FFAR4: variants seen among roughly 807,000 people sequenced by gnomAD.
FFAR4 encodes free fatty acid receptor 4.
Under a neutral mutation model 27.0 loss-of-function variants are expected in FFAR4, and 19 were observed. That is an observed-to-expected ratio of 0.70 (90% CI 0.49 to 1.03). The LOEUF (loss-of-function observed/expected upper bound fraction) is 1.03, where lower values mean the gene tolerates loss of function less well. FFAR4 is among the 50% of genes least tolerant of loss of function. FFAR4 has a pLI of 0.00. For synonymous variants in FFAR4, 254 were observed against 215.6 expected (o/e 1.18, Z -1.56); for missense variants, 476 against 479.0 (o/e 0.99, Z 0.06).
chr10:93,582,595 G>C (rs1353998073), intron 2 of FFAR4, among the ~76,000 whole-genome samples: 3 of 151,190 alleles, frequency 2.0e-5, no homozygotes, highest in Non-Finnish European at 2.9e-5. Context: ...TGGTCCATGA[G>C]TGAGCCCACT....
At chr10:93,568,203 G>A (rs888376557) in intron 1 of FFAR4, among the ~76,000 whole-genome samples, 2 of 152,280 alleles carry the variant, frequency 1.3e-5, no homozygotes, top group Non-Finnish European at 2.9e-5. Context: ...GGATCCACAC[G>A]GAAGAGGGAA....
At chr10:93,583,345 G>A (rs2058210309) in intron 2 of FFAR4, among the ~76,000 whole-genome samples, 1 of 151,684 alleles carries the variant, frequency 6.6e-6, no homozygotes, top group South Asian at 2.1e-4. Flanking sequence ...GAACCCAGGA[G>A]GTGGAGCTTG....
intron 1 of FFAR4, among the ~76,000 whole-genome samples, chr10:93,567,849 C>T (rs921686146): frequency 1.3e-5 from 2 of 152,076 alleles, no homozygotes; most frequent in Non-Finnish European, 2.9e-5. Flanking sequence ...GACCCGGGGA[C>T]CCCAGATGCA....
At chr10:93,578,044 G>A (rs1179720666) in intron 2 of FFAR4, among the ~76,000 whole-genome samples, 1 of 152,102 alleles carries the variant, frequency 6.6e-6, no homozygotes, top group African/African-American at 2.4e-5. Context: ...AACACAAGGT[G>A]GAATGATACT....
chr10:93,573,168 C>T (rs1395635886), intron 1 of FFAR4, among the ~76,000 whole-genome samples: 1 of 152,210 alleles, frequency 6.6e-6, no homozygotes, highest in Non-Finnish European at 1.5e-5. Flanking sequence ...CTCCCTCCCT[C>T]CTGGAGGAAA....
At chr10:93,579,538 A>AT (rs1445066511) in intron 2 of FFAR4, among the ~76,000 whole-genome samples, 1 of 152,156 alleles carries the variant, frequency 6.6e-6, no homozygotes, top group East Asian at 1.9e-4. Context: ...ATCCTGATTT[A>AT]TTTCTCTTCA....
intron 2 of FFAR4, among the ~76,000 whole-genome samples, chr10:93,580,987 C>T (rs556477740): frequency 6.6e-6 from 1 of 152,346 alleles, no homozygotes; most frequent in Non-Finnish European, 1.5e-5. Context: ...TTGACGTCAT[C>T]GCCCAGCAAC....
chr10:93,567,062 C>T lies in FFAR4; in HGVS notation c.342C>T (p.Leu114=), dbSNP rs1241160091. 2 of 1,611,506 alleles carry T rather than the reference C, an allele frequency of 1.2e-6. No homozygotes were observed. Among genetic ancestry groups the T allele is most frequent in the African/African-American group, 2.7e-5 (2 of 75,042 alleles). The change falls in exon 1 of 3, where the codon CTC becomes CTT. Residue 114 remains leucine, a synonymous_variant. Coordinates refer to ENST00000371481, the MANE Select transcript of FFAR4 (RefSeq NM_001195755.2). The stretch of plus-strand genomic sequence containing the variant: ...TGGGCCCCGTTGCCTGCCACCTGCT[C>T]TTCTACGTGATGACCCTGAGCGGCA... ...WLLGPVACHL[L]FYVMTLSGSV... is the part of the protein sequence containing the mutation.
Position 93,577,672 on chromosome 10 carries a change from A to G in FFAR4, c.696+1453A>G, listed in dbSNP as rs74150272. Among the ~76,000 whole-genome samples, 1,297 of 152,294 alleles carry G rather than the reference A, an allele frequency of 8.5e-3. 18 individuals carry two copies. The highest frequency in any genetic ancestry group is 0.03 in the African/African-American group (1,240 of 41,564). The stretch of plus-strand genomic sequence containing the variant: ...AAGAGGTGAGAGAAAAAGGAAGATA[A>G]ATGTAGAACTTATTTAACAAATATT... On this transcript the variant is annotated intron_variant, in intron 2 of 2. Transcript: ENST00000371481.
At position 93,587,374 on chromosome 10, in the gene FFAR4, T is replaced by G. The variant is rs1247236709; in HGVS notation, c.851T>G (p.Ile284Ser). Reference sequence around the variant, plus strand: ...ATGTGGAGCCCCATCATCATCACCATCCTCCTCATCCTGATCCAGAACTTC... The same window carrying G: ...ATGTGGAGCCCCATCATCATCACCAGCCTCCTCATCCTGATCCAGAACTTC... ...FIMWSPIIIT[I>S]LLILIQNFKQ... Residue 284 changes from isoleucine to serine, a missense_variant, in exon 3 of 3, where the codon ATC (isoleucine) becomes AGC (serine). By Grantham distance (142) the Ile-to-Ser change is moderately radical. Coordinates refer to ENST00000371481, the MANE Select transcript of FFAR4 (RefSeq NM_001195755.2). 1 of 1,613,896 alleles carries G rather than the reference T, an allele frequency of 6.2e-7. No individual in the cohort carries two copies. The highest frequency in any genetic ancestry group is 8.5e-7 in the Non-Finnish European group (1 of 1,179,964).
intron 2 of FFAR4, among the ~76,000 whole-genome samples, chr10:93,583,203 C>A (rs1211840821): frequency 2.0e-5 from 3 of 149,038 alleles, no homozygotes; most frequent in Non-Finnish European, 4.4e-5. Context: ...GAGTTCGAGA[C>A]CATCCTGGCT....
chr10:93,578,800 A>C (rs1407192373), intron 2 of FFAR4, among the ~76,000 whole-genome samples: 1 of 152,208 alleles, frequency 6.6e-6, no homozygotes, highest in Non-Finnish European at 1.5e-5. Flanking sequence ...GATAAACAAC[A>C]GCCCAGATTT....
Position 93,588,682 on chromosome 10 carries a change from T to C in FFAR4, c.*1073T>C, listed in dbSNP as rs1355833681. 1 of 152,220 alleles carries C rather than the reference T, an allele frequency of 6.6e-6. No individual in the cohort carries two copies. The highest frequency in any genetic ancestry group is 1.9e-4 in the East Asian group (1 of 5,194). 9.4% of individuals were successfully genotyped at this position (152,220 alleles called of 1,614,324 possible). A position where few individuals can be genotyped will look rare whatever the true frequency, so the allele number is the denominator to read the frequency against. On this transcript the variant is annotated 3_prime_UTR_variant, in exon 3 of 3. Transcript: ENST00000371481. ...AATAAAAGTCAATAAACTATATCTATATACAGATACCTATATATTTGAGAT... is the reference window on the plus strand; with the variant it reads ...AATAAAAGTCAATAAACTATATCTACATACAGATACCTATATATTTGAGAT...
chr10:93,580,999 G>C lies in FFAR4; in HGVS notation c.696+4780G>C, dbSNP rs187456044. Among the ~76,000 whole-genome samples, 4 of 152,326 alleles carry C rather than the reference G, an allele frequency of 2.6e-5. No homozygotes were observed. The East Asian group carries it at 7.7e-4, about 29-fold the overall frequency. On this transcript the variant is annotated intron_variant, in intron 2 of 2. Coordinates refer to ENST00000371481, the MANE Select transcript of FFAR4 (RefSeq NM_001195755.2). ...TGCTTGACGTCATCGCCCAGCAACT[G>C]TTGCCATGACAACTGAGATGCCTCT...
intron 1 of FFAR4, among the ~76,000 whole-genome samples, chr10:93,574,724 TA>T (rs1289069743): frequency 1.3e-5 from 2 of 149,306 alleles, no homozygotes; most frequent in Non-Finnish European, 3.0e-5. Context: ...CCGTCTCTAC[TA>T]AAAATACAAA....
Position 93,576,133 on chromosome 10 carries a change from G to T in FFAR4, c.610G>T (p.Glu204Ter). 1 of 1,614,060 alleles carries T rather than the reference G, an allele frequency of 6.2e-7. No homozygotes were observed. Among genetic ancestry groups the T allele is most frequent in the East Asian group, 2.2e-5 (1 of 44,892 alleles). Residue 204 changes from glutamate to a stop codon, truncating the protein, a stop_gained, in exon 2 of 3, where the codon GAG becomes TAG. Coordinates refer to ENST00000371481, the MANE Select transcript of FFAR4 (RefSeq NM_001195755.2). LOFTEE classifies it high-confidence loss of function. Reference protein sequence around the residue: ...CTLIWPTIPGEISWDVSFVTL... With the variant: ...CTLIWPTIPG ...ACTGATTTGGCCCACCATTCCTGGA[G>T]AGATCTCGTGGGATGTCTCTTTTGT...
chr10:93,584,206 G>A (rs888783936), intron 2 of FFAR4, among the ~76,000 whole-genome samples: 1 of 151,860 alleles, frequency 6.6e-6, no homozygotes, highest in Non-Finnish European at 1.5e-5. Context: ...TGCCAATATG[G>A]CCTCTGGCGT....
chr10:93,566,677 G>T lies in FFAR4; in HGVS notation c.-44G>T. The T allele has an allele frequency of 8.2e-7, 1 of 1,223,290 alleles. No homozygotes were observed. The highest frequency in any genetic ancestry group is 1.1e-6 in the Non-Finnish European group (1 of 885,158). The allele number at this position is 1,223,290 out of a possible 1,614,324, so 75.8% of individuals were successfully genotyped here. On this transcript the variant is annotated 5_prime_UTR_variant, in exon 1 of 3. Coordinates refer to ENST00000371481, the MANE Select transcript of FFAR4 (RefSeq NM_001195755.2). ...CGCCTTGGCACTCAGTCGCCTCCCA[G>T]ATGAGCACTCTCTCAGACCGCTGCG...
At position 93,581,817 on chromosome 10, in the gene FFAR4, C is replaced by T. The variant is rs763362822; in HGVS notation, c.697-5403C>T. Among the ~76,000 whole-genome samples, 12 of 152,270 alleles carry T rather than the reference C, an allele frequency of 7.9e-5. No homozygotes were observed. The East Asian group carries it at 1.2e-3, about 15-fold the overall frequency. On this transcript the variant is annotated intron_variant, in intron 2 of 2. Coordinates refer to ENST00000371481, the MANE Select transcript of FFAR4 (RefSeq NM_001195755.2). ...TGCATGTCATCATGTACTCGGTGGC[C>T]GTGGACCACATTCCCCAGATGCTGT...
Sources: gnomAD v4.1 joint callset for allele counts (sites outside exome capture counted in the v4.1 genomes callset) on GRCh38, gnomAD v4.1.1 for gene constraint, MANE v1.5 for transcripts, NCBI Gene and HGNC (gene_info 2026-07-23, HGNC 2026-07-21) for gene names.